SDK2: variants seen among roughly 807,000 people sequenced by gnomAD.
SDK2 encodes the protein sidekick cell adhesion molecule 2.
Under a neutral mutation model 253.9 loss-of-function variants are expected in SDK2, and 105 were observed. That is an observed-to-expected ratio of 0.41 (90% CI 0.35 to 0.49). SDK2 has a LOEUF of 0.49. Among genes scored for constraint, SDK2 ranks in the 20% least tolerant of loss-of-function variants. SDK2 has a pLI of 0.06. For missense variants in SDK2, 2,608 were observed against 3,003.0 expected, an observed-to-expected ratio of 0.87 and a Z score of 3.07; for synonymous variants, 1,249 against 1,234.9, an observed-to-expected ratio of 1.01 and a Z score of -0.24.
At chr17:73,525,558 G>C (rs1706367515) in intron 1 of SDK2, among the ~76,000 whole-genome samples, 1 of 152,216 alleles carries the variant, frequency 6.6e-6, no homozygotes, top group African/African-American at 2.4e-5. Flanking sequence ...ATGGGAACCG[G>C]AGGCTCACTG....
intron 1 of SDK2, among the ~76,000 whole-genome samples, chr17:73,532,492 G>A (rs1338302625): frequency 6.6e-6 from 1 of 152,204 alleles, no homozygotes; most frequent in African/African-American, 2.4e-5. Flanking sequence ...GGTGGCAGGG[G>A]AGGAGGCTAA....
At chr17:73,547,723 C>T (rs2044988280) in intron 1 of SDK2, among the ~76,000 whole-genome samples, 1 of 152,118 alleles carries the variant, frequency 6.6e-6, no homozygotes, top group Non-Finnish European at 1.5e-5. Context: ...TTCAGGGGGT[C>T]CGGGGCTGTG....
rs1438544252 is a variant in SDK2, at chr17:73,465,340, A to G, written c.331+6772T>C. Among the ~76,000 whole-genome samples, 1 of 151,896 alleles carries G rather than the reference A, an allele frequency of 6.6e-6. No homozygotes were observed. Among genetic ancestry groups the G allele is most frequent in the African/African-American group, 2.4e-5 (1 of 41,348 alleles). On this transcript the variant is annotated intron_variant, in intron 3 of 44. Coordinates refer to ENST00000392650, the MANE Select transcript of SDK2 (RefSeq NM_001144952.2). The surrounding 1 kb of genome is among the most constrained non-coding windows in gnomAD (Gnocchi z 4.2). ...GTGCGTGGGTTTGGTGCTGGAGTGGATGGTTTCAAGTCTGAGTCCCACAGA... is the reference window on the plus strand; with the variant it reads ...GTGCGTGGGTTTGGTGCTGGAGTGGGTGGTTTCAAGTCTGAGTCCCACAGA...
chr17:73,461,908 C>T (rs1460582891), intron 3 of SDK2, among the ~76,000 whole-genome samples: 1 of 149,990 alleles, frequency 6.7e-6, no homozygotes, highest in Non-Finnish European at 1.5e-5. Flanking sequence ...TATGCATGTA[C>T]ATGTCTGTAT....
Position 73,465,473 on chromosome 17 carries a change from C to G in SDK2, c.331+6639G>C, listed in dbSNP as rs890458977. Among the ~76,000 whole-genome samples, 1 of 152,022 alleles carries G rather than the reference C, an allele frequency of 6.6e-6. No individual in the cohort carries two copies. Among genetic ancestry groups the G allele is most frequent in the African/African-American group, 2.4e-5 (1 of 41,386 alleles). ...CGCTGGCTGTGGTGAAACGCTGGCT[C>G]GAGGTCCTCTGCCACCTCCGGAAGG... On this transcript the variant is annotated intron_variant, in intron 3 of 44. Coordinates refer to ENST00000392650, the MANE Select transcript of SDK2 (RefSeq NM_001144952.2). The surrounding 1 kb of genome is among the most constrained non-coding windows in gnomAD (Gnocchi z 4.2).
intron 3 of SDK2, among the ~76,000 whole-genome samples, chr17:73,469,904 A>C (rs1248878726): frequency 6.6e-6 from 1 of 151,856 alleles, no homozygotes; most frequent in Non-Finnish European, 1.5e-5. Context: ...GTCTCCTATG[A>C]GCCAAGGGCT....
chr17:73,482,043 G>A (rs1250669077), intron 2 of SDK2, among the ~76,000 whole-genome samples: 4 of 152,210 alleles, frequency 2.6e-5, no homozygotes, highest in East Asian at 3.9e-4. Context: ...GGGAGGCTGA[G>A]GCAGGAGGAT....
intron 18 of SDK2, among the ~76,000 whole-genome samples, chr17:73,412,059 T>TCTAC (rs2063137975): frequency 4.1e-4 from 2 of 4,840 alleles, no homozygotes; most frequent in South Asian, 2.4e-3. Flanking sequence ...TATACGTATA[T>TCTAC]GTATATATAC....
rs1599723453 is a variant in SDK2 at position 73,609,925 on chromosome 17, C to G, written c.64+34100G>C. Among the ~76,000 whole-genome samples the G allele has an allele frequency of 2.0e-5, 3 of 152,358 alleles. No individual in the cohort carries two copies. The East Asian group carries it at 5.8e-4, about 29-fold the overall frequency. ...AGGAGACAAAAACAGCTCACTGGAG[C>G]AAGGGCTGGGACTGGTAGTAGGTGC... On this transcript the variant is annotated intron_variant, in intron 1 of 44. Transcript: ENST00000392650. The surrounding 1 kb of genome is among the most constrained non-coding windows in gnomAD (Gnocchi z 4.4).
At chr17:73,500,356 TCTC>T (rs1480727194) in intron 2 of SDK2, among the ~76,000 whole-genome samples, 4 of 100,494 alleles carry the variant, frequency 4.0e-5, no homozygotes, top group Non-Finnish European at 8.2e-5. Flanking sequence ...CTCCCTCCAT[TCTC>T]CTCCATCCTT....
At chr17:73,519,012 T>A (rs2064054144) in intron 1 of SDK2, 1 of 152,198 alleles carries the variant, frequency 6.6e-6, no homozygotes, top group Non-Finnish European at 1.5e-5. Flanking sequence ...CTTCTGCCCA[T>A]CCCCTAAGCC....
At chr17:73,460,106 A>G (rs913314079) in intron 3 of SDK2, among the ~76,000 whole-genome samples, 2 of 152,344 alleles carry the variant, frequency 1.3e-5, no homozygotes, top group East Asian at 1.9e-4. Context: ...ATGTGCAGGA[A>G]GTGATGCCAT....
chr17:73,360,298 G>A (rs944249231), intron 39 of SDK2, among the ~76,000 whole-genome samples: 1 of 152,190 alleles, frequency 6.6e-6, no homozygotes, highest in African/African-American at 2.4e-5. Flanking sequence ...CAGACTGTGG[G>A]GAATAGAAAG....
chr17:73,499,954 ATT>A (rs1271081351), intron 2 of SDK2, among the ~76,000 whole-genome samples: 1 of 149,764 alleles, frequency 6.7e-6, no homozygotes, highest in Admixed American at 6.7e-5. Flanking sequence ...CTTCTATTCG[ATT>A]TTAAGTGTGA....
rs373774628 is a variant in SDK2, at chr17:73,408,046, C to CTTTTTTTTTTTTTTTTTTTTT, written c.2485-5906_2485-5905insAAAAAAAAAAAAAAAAAAAAA. On this transcript the variant is annotated intron_variant, in intron 18 of 44. Coordinates refer to ENST00000392650, the MANE Select transcript of SDK2 (RefSeq NM_001144952.2). Reference sequence around the variant, plus strand: ...ACACCATCTAGGAAGTAAAATATTTCCTTTTTTTTTTTTTTTTTCTTTTGA... The same window carrying CTTTTTTTTTTTTTTTTTTTTT: ...ACACCATCTAGGAAGTAAAATATTTCTTTTTTTTTTTTTTTTTTTTTCTTTTTTTTTTTTTTTTTCTTTTGA... 7.9e-5 allele frequency among the ~76,000 whole-genome samples: 4 copies of CTTTTTTTTTTTTTTTTTTTTT among 50,950 alleles called. 2 individuals are homozygous for CTTTTTTTTTTTTTTTTTTTTT. The highest frequency in any genetic ancestry group is 8.2e-5 in the Non-Finnish European group (2 of 24,352). The allele number at this position is 50,950 out of a possible 152,430, so 33.4% of individuals were successfully genotyped here.
At chr17:73,458,939 G>A (rs940023553) in intron 3 of SDK2, among the ~76,000 whole-genome samples, 2 of 152,214 alleles carry the variant, frequency 1.3e-5, no homozygotes, top group African/African-American at 2.4e-5. Flanking sequence ...GGGAGGCGGA[G>A]GTTGCGGTGA....
chr17:73,364,992 G>A (rs761950929), intron 38 of SDK2, among the ~76,000 whole-genome samples: 8 of 152,086 alleles, frequency 5.3e-5, no homozygotes, highest in Non-Finnish European at 1.0e-4. Flanking sequence ...CCCTGTTTCC[G>A]TTGACCAAAG....
rs749006229 is a variant in SDK2 at position 73,507,582 on chromosome 17, T to A, written c.80A>T (p.Tyr27Phe). 3.2e-6 allele frequency: 5 copies of A among 1,551,478 alleles called. No homozygotes were observed. Among genetic ancestry groups the A allele is most frequent in the Non-Finnish European group, 3.5e-6 (4 of 1,146,864 alleles). Residue 27 changes from tyrosine to phenylalanine, a missense_variant, in exon 2 of 45, where the codon TAT becomes TTT. Physicochemically the swap from Tyr to Phe is conservative, Grantham distance 22 (BLOSUM62 3). Coordinates refer to ENST00000392650, the MANE Select transcript of SDK2 (RefSeq NM_001144952.2). ...AARAQDDVSP[Y>F]FKTEPVRTQV... Reference sequence around the variant, plus strand: ...TGTCCGCACAGGCTCTGTCTTGAAATACGGGGACACATCATCTGCAGAAAC... The same window carrying A: ...TGTCCGCACAGGCTCTGTCTTGAAAAACGGGGACACATCATCTGCAGAAAC...
Position 73,338,184 on chromosome 17 carries a change from G to C in SDK2, c.*403C>G, listed in dbSNP as rs577137391. 1.9e-4 allele frequency: 65 copies of C among 343,740 alleles called. No homozygotes were observed. Among genetic ancestry groups the C allele is most frequent in the African/African-American group, 1.3e-3 (59 of 46,316 alleles). 21.3% of individuals were successfully genotyped at this position (343,740 alleles called of 1,614,324 possible). Reference sequence around the variant, plus strand: ...CCAGGGGTCCTGGAGGGGCTGGAAGGGGGCAGCTGGCTGGACATCCAGAAG... The same window carrying C: ...CCAGGGGTCCTGGAGGGGCTGGAAGCGGGCAGCTGGCTGGACATCCAGAAG... On this transcript the variant is annotated 3_prime_UTR_variant, in exon 45 of 45. Transcript: ENST00000392650. This position sits in a 1 kb window ranked among gnomAD's most constrained non-coding sequence, Gnocchi z 5.0.
Sources: allele counts gnomAD v4.1 joint callset (sites outside exome capture counted in the v4.1 genomes callset), GRCh38; gene constraint gnomAD v4.1.1; non-coding constraint Gnocchi (gnomAD v3.1); transcripts MANE v1.5; gene names NCBI Gene and HGNC (gene_info 2026-07-23, HGNC 2026-07-21).